Variants in ADGRA3 observed in about 807,000 individuals in gnomAD.
The protein encoded by ADGRA3 is adhesion G protein-coupled receptor A3, also known as G-protein coupled receptor 125.
A neutral mutation model predicts 119.8 loss-of-function variants in ADGRA3; 56 were observed. That is an observed-to-expected ratio of 0.47 (90% CI 0.38 to 0.58). The LOEUF (loss-of-function observed/expected upper bound fraction) is 0.58. Ranked by LOEUF, ADGRA3 falls within the 20% of genes least tolerant of loss-of-function variation. The pLI, the probability that ADGRA3 is intolerant of heterozygous loss-of-function variation, is 0.00. For synonymous variants in ADGRA3, 607 were observed against 623.8 expected, an observed-to-expected ratio of 0.97 and a Z score of 0.40; for missense variants, 1,516 against 1,649.0, an observed-to-expected ratio of 0.92 and a Z score of 1.40.
At chr4:22,477,081 A>C (rs1355338762) in intron 1 of ADGRA3, among the ~76,000 whole-genome samples, 2 of 152,180 alleles carry the variant, frequency 1.3e-5, no homozygotes, top group Non-Finnish European at 2.9e-5. Context: ...CTTAATTGCT[A>C]AGTACAGCTT....
At chr4:22,426,811 G>A (rs7670841) in intron 10 of ADGRA3, among the ~76,000 whole-genome samples, 97,154 of 152,010 alleles carry the variant, frequency 0.64, 33,146 homozygotes, top group Non-Finnish European at 0.77. Context: ...ATCAAGCTCT[G>A]CAGAATCCTC....
intron 14 of ADGRA3, among the ~76,000 whole-genome samples, chr4:22,411,313 A>G (rs1031685455): frequency 6.6e-6 from 1 of 152,230 alleles, no homozygotes; most frequent in Admixed American, 6.5e-5. Flanking sequence ...TCATGCTTTA[A>G]TTTAAAAGGT....
chr4:22,401,350 T>C lies in ADGRA3; in HGVS notation c.2481+81A>G, dbSNP rs975193372. 25 of 1,261,528 alleles carry C rather than the reference T, an allele frequency of 2.0e-5. No homozygotes were observed. The African/African-American group carries it at 3.2e-4, about 16-fold the overall frequency. 78.1% of individuals were successfully genotyped at this position (1,261,528 alleles called of 1,614,324 possible). ...CAGTTAAAGAAAAGGTATTAAAGAA[T>C]GATTTTTTCTTTTTATAGTTAATGA... On this transcript the variant is annotated intron_variant, in intron 16 of 18. Coordinates refer to ENST00000334304, the MANE Select transcript of ADGRA3 (RefSeq NM_145290.4).
At chr4:22,503,531 G>A (rs6822459) in intron 1 of ADGRA3, among the ~76,000 whole-genome samples, 1,658 of 152,250 alleles carry the variant, frequency 0.011, 20 homozygotes, top group East Asian at 0.065. Context: ...CAATTAACTA[G>A]AAGGAGGCAC....
intron 17 of ADGRA3, among the ~76,000 whole-genome samples, chr4:22,391,854 G>A (rs1416166956): frequency 6.6e-6 from 1 of 152,076 alleles, no homozygotes; most frequent in Non-Finnish European, 1.5e-5. Context: ...CACGCCAGTG[G>A]TCCAGCATTT....
At position 22,388,685 on chromosome 4, in the gene ADGRA3, G is replaced by T. The variant is rs1421402767; in HGVS notation, c.2986C>A (p.Leu996Ile). The T allele has an allele frequency of 1.9e-6, 3 of 1,613,954 alleles. No homozygotes were observed. Among genetic ancestry groups the T allele is most frequent in the Non-Finnish European group, 2.5e-6 (3 of 1,180,014 alleles). ...LENEHTFHSQ[L>I]LGASLTLLLY... The stretch of plus-strand genomic sequence containing the variant: ...AGCAAAGTAAGGCTGGCCCCCAAGA[G>T]CTGAGAATGAAAAGTGTGCTCATTT... Residue 996 changes from leucine (L) to isoleucine (I), a missense_variant, in exon 19 of 19, where the codon CTC (leucine) becomes ATC (isoleucine). Around this residue, in one of 2 missense-constraint regions of ADGRA3, gnomAD observed 1,088 missense variants for 1,107.1 expected, o/e 0.98. Coordinates refer to ENST00000334304, the MANE Select transcript of ADGRA3 (RefSeq NM_145290.4).
At chr4:22,463,971 G>A (rs920532415) in intron 2 of ADGRA3, among the ~76,000 whole-genome samples, 1 of 152,084 alleles carries the variant, frequency 6.6e-6, no homozygotes, top group Non-Finnish European at 1.5e-5. Flanking sequence ...GTGACCTCCA[G>A]CAAATTCTAT....
Position 22,388,174 on chromosome 4 carries a change from A to C in ADGRA3, c.3497T>G (p.Val1166Gly), listed in dbSNP as rs3814416. The C allele has an allele frequency of 7.4e-3, 12,021 of 1,613,998 alleles. 443 individuals are homozygous for C. Among genetic ancestry groups the C allele is most frequent in the East Asian group, 0.071 (3,174 of 44,846 alleles). Reference sequence around the variant, plus strand: ...GTTTTTATGGTGGCGGCTTGAGTGCACATTTGTTCGAAACTGAACTTCTAA... The same window carrying C: ...GTTTTTATGGTGGCGGCTTGAGTGCCCATTTGTTCGAAACTGAACTTCTAA... ...APLEVQFRTN[V>G]HSSRHHKNRS... Residue 1166 changes from valine (V) to glycine (G), a missense_variant, in exon 19 of 19, where the codon GTG becomes GGG. Physicochemically the swap from Val to Gly is moderately radical, Grantham distance 109. Transcript: ENST00000334304.
At chr4:22,423,390 T>C (rs1488081487) in intron 11 of ADGRA3, among the ~76,000 whole-genome samples, 2 of 152,108 alleles carry the variant, frequency 1.3e-5, no homozygotes, top group African/African-American at 2.4e-5. Flanking sequence ...TCTTGAATTG[T>C]GTAAAATCAC....
intron 14 of ADGRA3, among the ~76,000 whole-genome samples, chr4:22,411,291 T>C (rs1395528612): frequency 6.6e-6 from 1 of 152,242 alleles, no homozygotes; most frequent in African/African-American, 2.4e-5. Context: ...AAATGCCACA[T>C]ACTTTAACGC....
rs56918685 is a variant in ADGRA3 at position 22,397,175 on chromosome 4, C to CTTTT, written c.2481+4252_2481+4255dup. ...CACCAGTGAATCAACTACTGTAATT[C>CTTTT]TTTTTTTTTTTTTTTTTTTTTTTTT... is the stretch of plus-strand genomic sequence containing the variant. On this transcript the variant is annotated intron_variant, in intron 16 of 18. Coordinates refer to ENST00000334304, the MANE Select transcript of ADGRA3 (RefSeq NM_145290.4). Among the ~76,000 whole-genome samples the CTTTT allele has an allele frequency of 2.6e-3, 241 of 93,202 alleles. 9 individuals are homozygous for CTTTT. The highest frequency in any genetic ancestry group is 0.016 in the East Asian group (52 of 3,210). 61.1% of individuals were successfully genotyped at this position (93,202 alleles called of 152,430 possible). A position where few individuals can be genotyped will look rare whatever the true frequency, so the allele number is the denominator to read the frequency against.
At position 22,484,268 on chromosome 4, in the gene ADGRA3, ATTCTT is replaced by A. The variant is rs578250679; in HGVS notation, c.258-10430_258-10426del. ...TACAGAGGTTCTACCCATTATTCTT[ATTCTT>A]TTAATAGTCATGTAAGTTTGAAATT... On this transcript the variant is annotated intron_variant, in intron 1 of 18. Coordinates refer to ENST00000334304, the MANE Select transcript of ADGRA3 (RefSeq NM_145290.4). Among the ~76,000 whole-genome samples, 41 of 152,314 alleles carry A rather than the reference ATTCTT, an allele frequency of 2.7e-4. No homozygotes were observed. The East Asian group carries it at 6.6e-3, about 24-fold the overall frequency.
chr4:22,404,357 TC>T (rs1714801465), intron 14 of ADGRA3, among the ~76,000 whole-genome samples: 1 of 152,082 alleles, frequency 6.6e-6, no homozygotes, highest in African/African-American at 2.4e-5. Context: ...AATCATAAGT[TC>T]ACAATCTACA....
In ADGRA3 at chr4:22,387,629, T is replaced by A; in HGVS notation, c.*76A>T. ...GAATCCCTATGGTGGCTGTAAACAGTTTTTAAATGCTCATAGCTTCAAGGA... is the reference window on the plus strand; with the variant it reads ...GAATCCCTATGGTGGCTGTAAACAGATTTTAAATGCTCATAGCTTCAAGGA... On this transcript the variant is annotated 3_prime_UTR_variant, in exon 19 of 19. Transcript: ENST00000334304. 1 of 1,428,932 alleles carries A rather than the reference T, an allele frequency of 7.0e-7. No individual in the cohort carries two copies. Among genetic ancestry groups the A allele is most frequent in the Non-Finnish European group, 9.4e-7 (1 of 1,064,202 alleles). 88.5% of individuals were successfully genotyped at this position (1,428,932 alleles called of 1,614,324 possible).
chr4:22,455,814 G>T (rs1242000630), intron 3 of ADGRA3: 3 of 1,287,958 alleles, frequency 2.3e-6, no homozygotes, highest in Admixed American at 4.6e-5. Flanking sequence ...CTTACACCTG[G>T]CATGGCATGA....
rs116869256 is a variant in ADGRA3, at chr4:22,405,082, G to A, written c.2233-2283C>T. On this transcript the variant is annotated intron_variant, in intron 14 of 18. Coordinates refer to ENST00000334304, the MANE Select transcript of ADGRA3 (RefSeq NM_145290.4). ...ATGGAGGCTCCTCTAATCATCTTAG[G>A]GGGGTTGGAGAAGGGGTAGAAGAAA... 9.0e-3 allele frequency among the ~76,000 whole-genome samples: 1,376 copies of A among 152,234 alleles called. 42 individuals are homozygous for A. The highest frequency in any genetic ancestry group is 0.057 in the South Asian group (272 of 4,812).
Position 22,445,029 on chromosome 4 carries a change from G to T in ADGRA3, c.650C>A (p.Pro217His), listed in dbSNP as rs907724711. The T allele has an allele frequency of 1.9e-6, 3 of 1,613,860 alleles. No homozygotes were observed. The highest frequency in any genetic ancestry group is 2.5e-6 in the Non-Finnish European group (3 of 1,179,922). ...ITVRDTRCVY[P>H]KSLQAQPVTG... ...GACTGGTTGGGCCTGCAGTGACTTA[G>T]GATAAACACACCTGGTATCCCGTAC... Residue 217 changes from proline to histidine, a missense_variant, in exon 6 of 19, where the codon CCT (proline) becomes CAT (histidine). Pro to His is a moderately conservative substitution (Grantham distance 77). This residue lies in a region of ADGRA3 where 428 missense variants were observed against 541.9 expected (regional missense o/e 0.79). Transcript: ENST00000334304.
chr4:22,414,562 C>T lies in ADGRA3; in HGVS notation c.1810-748G>A, dbSNP rs1328743405. ...ATTTATTGTACAATCTTTTTCTTGG[C>T]TTCTAACCTCTCTTCTTCTAATTCC... is the stretch of plus-strand genomic sequence containing the variant. On this transcript the variant is annotated intron_variant, in intron 12 of 18. Transcript: ENST00000334304. 3 of 691,802 alleles carry T rather than the reference C, an allele frequency of 4.3e-6. No individual in the cohort carries two copies. The African/African-American group carries it at 5.3e-5, about 12-fold the overall frequency. 42.9% of individuals were successfully genotyped at this position (691,802 alleles called of 1,614,324 possible). A position where few individuals can be genotyped will look rare whatever the true frequency, so the allele number is the denominator to read the frequency against.
intron 1 of ADGRA3, 56 bp downstream of exon 1, chr4:22,515,472 G>T: frequency 6.4e-7 from 1 of 1,570,628 alleles, no homozygotes; most frequent in Non-Finnish European, 8.6e-7. Flanking sequence ...AAAGTTGAGC[G>T]GAGAGATAAG....
Sources: allele counts gnomAD v4.1 joint callset (sites outside exome capture counted in the v4.1 genomes callset), GRCh38; gene constraint gnomAD v4.1.1; regional missense constraint gnomAD v4.1.1; transcripts MANE v1.5; gene names NCBI Gene and HGNC (gene_info 2026-07-23, HGNC 2026-07-21).